Variants in MRPL15 observed in about 807,000 individuals in gnomAD.
MRPL15 encodes mitochondrial ribosomal protein L15.
Under a neutral mutation model 28.0 loss-of-function variants are expected in MRPL15, and 24 were observed. That is an observed-to-expected ratio of 0.86 (90% CI 0.62 to 1.21). MRPL15 has a LOEUF of 1.21. MRPL15 is among the 50% of genes most tolerant of loss of function. The probability of loss-of-function intolerance (pLI) is 0.00; values close to 1 mark genes in which losing one functional copy is unlikely to be tolerated. For synonymous variants in MRPL15, 124 were observed against 137.0 expected, an observed-to-expected ratio of 0.90 and a Z score of 0.66; for missense variants, 343 against 372.4, an observed-to-expected ratio of 0.92 and a Z score of 0.65.
chr8:54,136,474 C>A (rs778062250), intron 1 of MRPL15, 37 bp from the exon 2 acceptor site: 6 of 1,583,094 alleles, frequency 3.8e-6, no homozygotes, highest in Non-Finnish European at 5.1e-6. Flanking sequence ...TTTAGAAATG[C>A]ATCTGAAATT....
intron 3 of MRPL15, among the ~76,000 whole-genome samples, chr8:54,142,347 G>C (rs2129240005): frequency 6.6e-6 from 1 of 151,314 alleles, no homozygotes; most frequent in East Asian, 1.9e-4. Flanking sequence ...GTAGAGATGG[G>C]GTTTCTCCAT....
At chr8:54,142,201 CT>C (rs1239858966) in intron 3 of MRPL15, among the ~76,000 whole-genome samples, 1 of 151,994 alleles carries the variant, frequency 6.6e-6, no homozygotes, top group Non-Finnish European at 1.5e-5. Flanking sequence ...GTAGCCCAGG[CT>C]GGAGTGCAAT....
chr8:54,136,322 C>G (rs1036996366), intron 1 of MRPL15, among the ~76,000 whole-genome samples, 189 bp from the exon 2 acceptor site: 4 of 152,138 alleles, frequency 2.6e-5, no homozygotes, highest in African/African-American at 9.7e-5. Context: ...CAAGAATTAG[C>G]TATGTCTTTA....
intron 3 of MRPL15, among the ~76,000 whole-genome samples, chr8:54,140,210 A>C (rs1810894895): frequency 6.6e-6 from 1 of 152,192 alleles, no homozygotes; most frequent in East Asian, 1.9e-4. Context: ...GACTGTGACC[A>C]AAAATTTAAC....
At chr8:54,138,301 CTTTTTTTTTTTTTTTT>C (rs71254537) in intron 3 of MRPL15, among the ~76,000 whole-genome samples, 3 of 56,990 alleles carry the variant, frequency 5.3e-5, no homozygotes, top group African/African-American at 8.1e-5. Context: ...TCAGGAAGAT[CTTTTTTTTTTTTTTTT>C]TTTTTTTTTT....
At chr8:54,137,454 T>C (rs1327988737) in intron 3 of MRPL15, 21 bp downstream of exon 3, 1 of 1,611,156 alleles carries the variant, frequency 6.2e-7, no homozygotes, top group Admixed American at 1.7e-5. Flanking sequence ...ATTAGATCTT[T>C]TGGTGTTATA....
At chr8:54,138,017 C>T (rs554703694) in intron 3 of MRPL15, among the ~76,000 whole-genome samples, 5 of 151,836 alleles carry the variant, frequency 3.3e-5, no homozygotes, top group Non-Finnish European at 2.9e-5. Context: ...TGCAGTGGCA[C>T]GATCTCGGCT....
intron 3 of MRPL15, among the ~76,000 whole-genome samples, chr8:54,142,357 T>C (rs1419463710): frequency 6.6e-6 from 1 of 151,986 alleles, no homozygotes; most frequent in Non-Finnish European, 1.5e-5. Context: ...GGTTTCTCCA[T>C]GTTGGGCAGG....
At chr8:54,140,090 C>T (rs1041078698) in intron 3 of MRPL15, among the ~76,000 whole-genome samples, 1 of 152,290 alleles carries the variant, frequency 6.6e-6, no homozygotes, top group South Asian at 2.1e-4. Flanking sequence ...CTGGGAGCCA[C>T]TTTCTTTCAG....
chr8:54,142,560 T>C (rs1162949182), intron 3 of MRPL15, 103 bp from the exon 4 acceptor site: 2 of 1,359,060 alleles, frequency 1.5e-6, no homozygotes, highest in Non-Finnish European at 2.0e-6. Flanking sequence ...TGTTATGTTA[T>C]AGGCACTTTG....
intron 3 of MRPL15, among the ~76,000 whole-genome samples, chr8:54,140,561 T>TAC (rs1180088918): frequency 6.9e-6 from 1 of 143,912 alleles, no homozygotes; most frequent in Non-Finnish European, 1.5e-5. Context: ...GGCCTAGAAC[T>TAC]ACATTTTCTT....
intron 3 of MRPL15, among the ~76,000 whole-genome samples, chr8:54,140,255 T>C (rs1586216923): frequency 6.6e-6 from 1 of 152,144 alleles, no homozygotes; most frequent in Non-Finnish European, 1.5e-5. Flanking sequence ...TCCTTTTTTT[T>C]CTGTCTTTTT....
At chr8:54,136,205 G>A (rs868851107) in intron 1 of MRPL15, among the ~76,000 whole-genome samples, 4 of 152,296 alleles carry the variant, frequency 2.6e-5, no homozygotes, top group Middle Eastern at 6.8e-3. Context: ...TTAAAATGTT[G>A]TGAATATTTA....
chr8:54,136,981 A>T (rs1381435574), intron 2 of MRPL15, among the ~76,000 whole-genome samples: 1 of 152,226 alleles, frequency 6.6e-6, no homozygotes, highest in Non-Finnish European at 1.5e-5. Flanking sequence ...GATAACTACC[A>T]TTATTACTTT....
At chr8:54,145,039 T>C (rs1811020188) in intron 4 of MRPL15, among the ~76,000 whole-genome samples, 1 of 152,212 alleles carries the variant, frequency 6.6e-6, no homozygotes, top group Non-Finnish European at 1.5e-5. Flanking sequence ...TGAGCTGGCA[T>C]CTTCAGAGGC....
At chr8:54,135,472 AC>A in intron 1 of MRPL15, 81 bp downstream of exon 1, 1 of 1,194,524 alleles carries the variant, frequency 8.4e-7, no homozygotes, top group East Asian at 3.0e-5. Context: ...CATTAGGAGA[AC>A]TGCCCTTTCT....
intron 3 of MRPL15, among the ~76,000 whole-genome samples, chr8:54,140,634 C>T (rs1194374155): frequency 1.5e-5 from 2 of 133,742 alleles, no homozygotes; most frequent in East Asian, 2.8e-4. Flanking sequence ...AGTGCAGTGG[C>T]GCGATCTCGG....
chr8:54,140,990 A>G (rs187470585), intron 3 of MRPL15, among the ~76,000 whole-genome samples: 15 of 151,182 alleles, frequency 9.9e-5, no homozygotes, highest in Middle Eastern at 3.4e-3. Flanking sequence ...TGAAATTTCT[A>G]TTGTCTTTTT....
intron 4 of MRPL15, 114 bp downstream of exon 4, chr8:54,142,900 T>C: frequency 7.5e-7 from 1 of 1,335,800 alleles, no homozygotes; most frequent in Non-Finnish European, 1.0e-6. Flanking sequence ...GTAGTATTGA[T>C]CTACATCTAC....
Sources: gnomAD v4.1 joint callset for allele counts (sites outside exome capture counted in the v4.1 genomes callset) on GRCh38, gnomAD v4.1.1 for gene constraint, MANE v1.5 for transcripts, NCBI Gene and HGNC (gene_info 2026-07-23, HGNC 2026-07-21) for gene names.